Variants in FOXP2 observed in about 807,000 individuals in gnomAD.
FOXP2 encodes the protein forkhead box protein P2.
A neutral mutation model predicts 115.8 loss-of-function variants in FOXP2; 12 were observed. That is an observed-to-expected ratio of 0.10 (90% confidence interval 0.07 to 0.17). FOXP2 has a LOEUF of 0.17. Ranked by LOEUF, FOXP2 falls within the 10% of genes least tolerant of loss-of-function variation. FOXP2 has a pLI of 1.00. For synonymous variants in FOXP2, 328 were observed against 297.7 expected (o/e 1.10, Z -1.05); for missense variants, 629 against 843.5 (o/e 0.75, Z 3.15).
At chr7:114,457,657 C>G (rs556032330) in intron 2 of FOXP2, among the ~76,000 whole-genome samples, 40 of 152,096 alleles carry the variant, frequency 2.6e-4, no homozygotes, top group South Asian at 4.2e-4. Context: ...CCAGCACTTT[C>G]GGAGGCCAAG....
Position 114,693,605 on chromosome 7 carries a change from A to G in FOXP2, c.*3679A>G, listed in dbSNP as rs560497341. 50 of 452,358 alleles carry G rather than the reference A, an allele frequency of 1.1e-4. No homozygotes were observed. In the Middle Eastern group the frequency reaches 5.5e-3, roughly 50 times the overall value. 28.0% of individuals were successfully genotyped at this position (452,358 alleles called of 1,614,324 possible). A position where few individuals can be genotyped will look rare whatever the true frequency, so the allele number is the denominator to read the frequency against. ...GTTTTTTTGTCCATGAACACTTGGC[A>G]TATCTTACTTAGCAAAAAAGAAGGA... On this transcript the variant is annotated 3_prime_UTR_variant, in exon 17 of 17. Coordinates refer to ENST00000350908, the MANE Select transcript of FOXP2 (RefSeq NM_014491.4).
chr7:114,491,783 C>T (rs1490230589), intron 2 of FOXP2, among the ~76,000 whole-genome samples: 1 of 152,112 alleles, frequency 6.6e-6, no homozygotes, highest in Non-Finnish European at 1.5e-5. Context: ...GGTGGATAAG[C>T]TTTTTGATGT....
intron 2 of FOXP2, among the ~76,000 whole-genome samples, chr7:114,383,130 G>A (rs1447485282): frequency 1.3e-5 from 2 of 152,136 alleles, no homozygotes; most frequent in African/African-American, 4.8e-5. Context: ...TCTCTCATTT[G>A]GGGTTAGTGT....
chr7:114,144,762 GGAAA>G (rs1225378512), intron 1 of FOXP2, among the ~76,000 whole-genome samples: 1 of 152,006 alleles, frequency 6.6e-6, no homozygotes, highest in Non-Finnish European at 1.5e-5. Flanking sequence ...TATTTTACAT[GGAAA>G]GAGTGATCAA....
At chr7:114,382,132 G>A (rs1286331192) in intron 2 of FOXP2, among the ~76,000 whole-genome samples, 2 of 152,186 alleles carry the variant, frequency 1.3e-5, no homozygotes, top group African/African-American at 4.8e-5. Flanking sequence ...TAGTGGCTGG[G>A]AGAAGTATCT....
chr7:114,099,517 C>CCCA (rs1251478670), intron 1 of FOXP2, among the ~76,000 whole-genome samples: 3 of 152,168 alleles, frequency 2.0e-5, no homozygotes, highest in Admixed American at 6.5e-5. Flanking sequence ...AATCCCTCTT[C>CCCA]TAGGCATATA....
At chr7:114,374,130 A>G (rs1326945897) in intron 2 of FOXP2, among the ~76,000 whole-genome samples, 7 of 152,228 alleles carry the variant, frequency 4.6e-5, no homozygotes, top group Non-Finnish European at 7.3e-5. Flanking sequence ...TACATATTAT[A>G]TAATCCTTTC....
chr7:114,411,730 G>A (rs1793167577), upstream of FOXP2, among the ~76,000 whole-genome samples: 1 of 152,174 alleles, frequency 6.6e-6, no homozygotes, highest in East Asian at 1.9e-4. Flanking sequence ...TAGCTCATTC[G>A]ATGTGTCTTG....
chr7:114,401,238 T>C (rs1322213624), intron 2 of FOXP2, among the ~76,000 whole-genome samples: 1 of 152,142 alleles, frequency 6.6e-6, no homozygotes, highest in Non-Finnish European at 1.5e-5. Flanking sequence ...TGTCATAGAA[T>C]CCAATAATAT....
At chr7:114,506,465 C>A (rs914850515) in intron 2 of FOXP2, among the ~76,000 whole-genome samples, 2 of 151,372 alleles carry the variant, frequency 1.3e-5, no homozygotes, top group Admixed American at 1.3e-4. Flanking sequence ...ATTAGTACTA[C>A]CAAAATGTTA....
chr7:114,574,203 T>C (rs1348101265), intron 3 of FOXP2, among the ~76,000 whole-genome samples: 3 of 151,860 alleles, frequency 2.0e-5, no homozygotes, highest in Non-Finnish European at 2.9e-5. Context: ...CTTGTTGTAT[T>C]TGAAGAAATA....
At chr7:114,178,488 TG>T (rs1167428933) in intron 1 of FOXP2, among the ~76,000 whole-genome samples, 4 of 151,990 alleles carry the variant, frequency 2.6e-5, no homozygotes, top group Non-Finnish European at 2.9e-5. Context: ...CTAAGCAAAA[TG>T]GTGACATGAG....
At chr7:114,215,438 G>A (rs973262679) in intron 1 of FOXP2, among the ~76,000 whole-genome samples, 2 of 152,134 alleles carry the variant, frequency 1.3e-5, no homozygotes, top group African/African-American at 4.8e-5. Context: ...AGATTACTAG[G>A]TTCAACCATA....
At chr7:114,217,012 G>C (rs1794502323) in intron 1 of FOXP2, among the ~76,000 whole-genome samples, 1 of 152,100 alleles carries the variant, frequency 6.6e-6, no homozygotes, top group African/African-American at 2.4e-5. Flanking sequence ...CTACATTCAT[G>C]ATTATGGTTT....
chr7:114,580,989 G>C (rs2129301543), intron 3 of FOXP2, among the ~76,000 whole-genome samples: 1 of 151,766 alleles, frequency 6.6e-6, no homozygotes, highest in South Asian at 2.1e-4. Flanking sequence ...GGAAGAATGA[G>C]CCAGCAAAGA....
intron 2 of FOXP2, among the ~76,000 whole-genome samples, chr7:114,355,060 TG>T (rs1490743485): frequency 1.3e-5 from 2 of 152,230 alleles, no homozygotes; most frequent in African/African-American, 4.8e-5. Context: ...ACTTTTGTTC[TG>T]TGGTGATAGA....
chr7:114,428,266 T>C (rs1312194207), intron 2 of FOXP2, among the ~76,000 whole-genome samples: 1 of 151,526 alleles, frequency 6.6e-6, no homozygotes, highest in African/African-American at 2.4e-5. Flanking sequence ...CCAAGAAATC[T>C]TTCTTTATTT....
intron 1 of FOXP2, among the ~76,000 whole-genome samples, chr7:114,272,313 G>A (rs149456322): frequency 3.1e-4 from 47 of 151,508 alleles, no homozygotes; most frequent in African/African-American, 1.1e-3. Context: ...TTTGCAATTT[G>A]TGTTCCTGAG....
chr7:114,250,780 G>C (rs959775381), intron 1 of FOXP2, among the ~76,000 whole-genome samples: 1 of 152,136 alleles, frequency 6.6e-6, no homozygotes, highest in African/African-American at 2.4e-5. Flanking sequence ...TTCTTTTGCT[G>C]TGCAGAAGCT....
Sources: gnomAD v4.1 joint callset for allele counts (sites outside exome capture counted in the v4.1 genomes callset) on GRCh38, gnomAD v4.1.1 for gene constraint, MANE v1.5 for transcripts, NCBI Gene and HGNC (gene_info 2026-07-23, HGNC 2026-07-21) for gene names.